Variants in AMACR observed in about 807,000 individuals in gnomAD.
AMACR encodes alpha-methylacyl-CoA racemase.
Under a neutral mutation model 22.2 loss-of-function variants are expected in AMACR, and 18 were observed. The ratio of observed to expected loss-of-function variants is 0.81; its 90% CI spans 0.56 to 1.20. The LOEUF is 1.20. Among genes scored for constraint, AMACR ranks in the 50% most tolerant of loss-of-function variants. AMACR has a pLI of 0.00. For synonymous variants in AMACR, 213 were observed against 191.3 expected (o/e 1.11, Z -0.94); for missense variants, 499 against 490.6 (o/e 1.02, Z -0.16).
Position 33,986,212 on chromosome 5 carries a change from A to C in AMACR, c.*2881T>G, listed in dbSNP as rs1048068566. ...ATATAGACATTCTATTTTTTACTAC[A>C]AGTTTTCCACACACACAGCTCAGGA... is the stretch of plus-strand genomic sequence containing the variant. On this transcript the variant is annotated 3_prime_UTR_variant, in exon 5 of 5. Transcript: ENST00000335606. 6 of 152,226 alleles carry C rather than the reference A, an allele frequency of 3.9e-5. No individual in the cohort carries two copies. The highest frequency in any genetic ancestry group is 1.4e-4 in the African/African-American group (6 of 41,456). The allele number at this position is 152,226 out of a possible 1,614,324, so 9.4% of individuals were successfully genotyped here.
Position 33,989,281 on chromosome 5 carries a change from G to GCTC in AMACR, c.958_960dup (p.Glu320dup), listed in dbSNP as rs1753399713. On this transcript the variant is annotated inframe_insertion, in exon 5 of 5. Coordinates refer to ENST00000335606, the MANE Select transcript of AMACR (RefSeq NM_014324.6). ...GGTGCAGGGCGGGGGCTCACGTCCT[G>GCTC]CTCCTCACTGGTGATAAACGAGCCC... The GCTC allele has an allele frequency of 6.2e-7, 1 of 1,614,004 alleles. No homozygotes were observed.
chr5:33,987,001 CT>C lies in AMACR; in HGVS notation c.*2091del, dbSNP rs1406883640. 2.0e-5 allele frequency: 3 copies of C among 151,954 alleles called. No homozygotes were observed. The highest frequency in any genetic ancestry group is 3.9e-4 in the East Asian group (2 of 5,190). The allele number at this position is 151,954 out of a possible 1,614,324, so 9.4% of individuals were successfully genotyped here. A position where few individuals can be genotyped will look rare whatever the true frequency, so the allele number is the denominator to read the frequency against. On this transcript the variant is annotated 3_prime_UTR_variant, in exon 5 of 5. Transcript: ENST00000335606. The stretch of plus-strand genomic sequence containing the variant: ...AAAGTCTGAGTTGTAGGGAAAACAT[CT>C]TTTTTATTATTATTATTTTTATTTA...
intron 3 of AMACR, among the ~76,000 whole-genome samples, chr5:34,004,208 C>T (rs140018601): frequency 5.4e-4 from 82 of 152,218 alleles, no homozygotes; most frequent in Non-Finnish European, 8.8e-4. Flanking sequence ...TTTTGAATGA[C>T]GACTGCTTGA....
At chr5:33,991,179 T>C (rs1049376755) in intron 4 of AMACR, among the ~76,000 whole-genome samples, 1 of 152,216 alleles carries the variant, frequency 6.6e-6, no homozygotes, top group Non-Finnish European at 1.5e-5. Flanking sequence ...GGTCATAGTT[T>C]GTATGCTAGA....
chr5:34,000,432 G>C (rs1753782938), intron 3 of AMACR, among the ~76,000 whole-genome samples: 3 of 152,184 alleles, frequency 2.0e-5, no homozygotes, highest in South Asian at 2.1e-4. Context: ...TAGAAACAAA[G>C]TATTTTTGTT....
intron 3 of AMACR, among the ~76,000 whole-genome samples, chr5:34,003,336 T>C (rs1204508349): frequency 6.6e-6 from 1 of 152,174 alleles, no homozygotes; most frequent in African/African-American, 2.4e-5. Flanking sequence ...GTTCCTTTTC[T>C]TCTAGTAAAA....
At chr5:33,995,411 A>G (rs1291100600) in intron 4 of AMACR, among the ~76,000 whole-genome samples, 1 of 152,226 alleles carries the variant, frequency 6.6e-6, no homozygotes, top group African/African-American at 2.4e-5. Flanking sequence ...GCTAAAATCG[A>G]CTGTTAAGAA....
rs1255254263 is a variant in AMACR, at chr5:33,989,201, T to TC, written c.1040dup (p.Glu348ArgfsTer4). The TC allele has an allele frequency of 3.1e-6, 5 of 1,614,188 alleles. No individual in the cohort carries two copies. The highest frequency in any genetic ancestry group is 4.2e-6 in the Non-Finnish European group (5 of 1,180,030). On this transcript the variant is annotated frameshift_variant, in exon 5 of 5. Coordinates refer to ENST00000335606, the MANE Select transcript of AMACR (RefSeq NM_014324.6). LOFTEE classifies it low-confidence loss of function (END_TRUNC). The stretch of plus-strand genomic sequence containing the variant: ...CTTCAAGTATCTCCTCAGTGTGTTC[T>TC]CCTATGAAAGGATCCCTTTTGAAAG...
chr5:34,006,170 G>A (rs1468234188), intron 1 of AMACR, among the ~76,000 whole-genome samples: 7 of 152,264 alleles, frequency 4.6e-5, no homozygotes, highest in Middle Eastern at 3.4e-3. Flanking sequence ...CCAGAGCAGG[G>A]TCTCATCCCT....
chr5:33,990,614 G>A (rs1315184312), intron 4 of AMACR, among the ~76,000 whole-genome samples: 1 of 152,212 alleles, frequency 6.6e-6, no homozygotes, highest in African/African-American at 2.4e-5. Flanking sequence ...AGTGTCGAAT[G>A]ATAATGAAAG....
At position 33,989,222 on chromosome 5, in the gene AMACR, G is replaced by C; in HGVS notation, c.1020C>G (p.Phe340Leu). 6.2e-7 allele frequency: 1 copy of C among 1,614,138 alleles called. No individual in the cohort carries two copies. Among genetic ancestry groups the C allele is most frequent in the Non-Finnish European group, 8.5e-7 (1 of 1,180,008 alleles). Residue 340 changes from phenylalanine to leucine, a missense_variant, in exon 5 of 5, where the codon TTC becomes TTG. By Grantham distance (22) the Phe-to-Leu change is conservative. Transcript: ENST00000335606. ...LLLNTPAIPS[F>L]KRDPFIGEHT... ...GTTCTCCTATGAAAGGATCCCTTTT[G>C]AAAGAAGGGATGGCTGGGGTGTTTA...
At position 34,004,191 on chromosome 5, in the gene AMACR, G is replaced by A. The variant is rs539707151; in HGVS notation, c.552+383C>T. Among the ~76,000 whole-genome samples, 6 of 152,288 alleles carry A rather than the reference G, an allele frequency of 3.9e-5. No homozygotes were observed. In the South Asian group the frequency reaches 1.2e-3, roughly 32 times the overall value. Reference sequence around the variant, plus strand: ...CTCTACCAGCTGAGGGAGACTTCTTGAACTTTTTTTGAATGACGACTGCTT... The same window carrying A: ...CTCTACCAGCTGAGGGAGACTTCTTAAACTTTTTTTGAATGACGACTGCTT... On this transcript the variant is annotated intron_variant, in intron 3 of 4. Transcript: ENST00000335606.
At chr5:33,990,732 T>C (rs1753447780) in intron 4 of AMACR, among the ~76,000 whole-genome samples, 9 of 152,226 alleles carry the variant, frequency 5.9e-5, no homozygotes, top group Admixed American at 5.9e-4. Context: ...CAAGGCTAAT[T>C]GTAAATTGCT....
At position 33,989,566 on chromosome 5, in the gene AMACR, A is replaced by G; in HGVS notation, c.740-64T>C. ...AACAGAGCAATTATAATCAATAAAA[A>G]TGAATGCTGAGCCCACTGTACTATG... On this transcript the variant is annotated intron_variant, in intron 4 of 4. Transcript: ENST00000335606. 4 of 1,341,754 alleles carry G rather than the reference A, an allele frequency of 3.0e-6. No homozygotes were observed. In the East Asian group the frequency reaches 7.0e-5, roughly 24 times the overall value. 83.1% of individuals were successfully genotyped at this position (1,341,754 alleles called of 1,614,324 possible).
At chr5:34,005,936 G>T in intron 1 of AMACR, 37 bp from the exon 2 acceptor site, 2 of 1,611,430 alleles carry the variant, frequency 1.2e-6, no homozygotes, top group South Asian at 1.1e-5. Context: ...AAGAGAGTAT[G>T]AATTGAGGAT....
In AMACR at chr5:33,989,436, T is replaced by A. The variant is rs142887272; in HGVS notation, c.806A>T (p.Lys269Met). Reference protein sequence around the residue: ...MSMDDWPEMKKKFADVFAEKT... With the variant: ...MSMDDWPEMKMKFADVFAEKT... ...CTCTGCAAATACATCTGCAAACTTCTTCTTCATTTCTGGCCAATCATCCAT... is the reference window on the plus strand; with the variant it reads ...CTCTGCAAATACATCTGCAAACTTCATCTTCATTTCTGGCCAATCATCCAT... Residue 269 changes from lysine to methionine, a missense_variant, in exon 5 of 5, where the codon AAG (lysine) becomes ATG (methionine). By Grantham distance (95) the Lys-to-Met change is moderately conservative. Coordinates refer to ENST00000335606, the MANE Select transcript of AMACR (RefSeq NM_014324.6). The A allele has an allele frequency of 1.2e-5, 20 of 1,614,080 alleles. No individual in the cohort carries two copies. Among genetic ancestry groups the A allele is most frequent in the Non-Finnish European group, 1.6e-5 (19 of 1,179,998 alleles).
rs974623718 is a variant in AMACR, at chr5:33,989,354, C to T, written c.888G>A (p.Pro296=). 1.2e-5 allele frequency: 19 copies of T among 1,614,014 alleles called. No individual in the cohort carries two copies. Among genetic ancestry groups the T allele is most frequent in the Non-Finnish European group, 1.4e-5 (17 of 1,180,042 alleles). ...GAACAACCTCCTCAAAAGTCAGAAC[C>T]GGAGTCACACAGGCATCTGTGCCGT... is the stretch of plus-strand genomic sequence containing the variant. The part of the protein sequence containing the change: ...IFDGTDACVT[P]VLTFEEVVHH... Residue 296 remains proline (P), a synonymous_variant, in exon 5 of 5, where the codon CCG becomes CCA. Transcript: ENST00000335606.
chr5:34,005,349 G>A (rs1281101787), intron 2 of AMACR, among the ~76,000 whole-genome samples: 1 of 152,164 alleles, frequency 6.6e-6, no homozygotes, highest in South Asian at 2.1e-4. Flanking sequence ...AATGACTCAG[G>A]CAATGATTCT....
intron 3 of AMACR, among the ~76,000 whole-genome samples, chr5:34,003,452 C>G (rs927968381): frequency 1.3e-5 from 2 of 152,160 alleles, no homozygotes; most frequent in African/African-American, 4.8e-5. Context: ...ACTAACAATG[C>G]TATGAGGTGG....
Sources: allele counts gnomAD v4.1 joint callset (sites outside exome capture counted in the v4.1 genomes callset), GRCh38; gene constraint gnomAD v4.1.1; transcripts MANE v1.5; gene names NCBI Gene and HGNC (gene_info 2026-07-23, HGNC 2026-07-21).